CELF2: variants seen among roughly 807,000 people sequenced by gnomAD.
CELF2 encodes the protein CUG triplet repeat RNA-binding protein 2.
Under a neutral mutation model 62.6 loss-of-function variants are expected in CELF2, and 8 were observed. The observed-to-expected ratio is 0.13, with a 90% confidence interval of 0.07 to 0.23. The LOEUF (loss-of-function observed/expected upper bound fraction) is 0.23, where lower values mean the gene tolerates loss of function less well. Ranked by LOEUF, CELF2 falls within the 10% of genes least tolerant of loss-of-function variation. The pLI, the probability that CELF2 is intolerant of heterozygous loss-of-function variation, is 1.00. For synonymous variants in CELF2, 258 were observed against 250.0 expected (o/e 1.03, Z -0.30); for missense variants, 333 against 671.0 (o/e 0.50, Z 5.56).
chr10:10,985,009 A>C (rs1184449937), intron 2 of CELF2, among the ~76,000 whole-genome samples: 1 of 152,180 alleles, frequency 6.6e-6, no homozygotes, highest in Non-Finnish European at 1.5e-5. Flanking sequence ...ACATTTTCTC[A>C]AACTTTTCGA....
chr10:11,134,310 A>G (rs891330810), intron 1 of CELF2, among the ~76,000 whole-genome samples: 1 of 152,102 alleles, frequency 6.6e-6, no homozygotes, highest in African/African-American at 2.4e-5. Context: ...TACTTAGGTG[A>G]GTTTGGATTC....
chr10:11,059,471 G>C (rs1371624520), intron 1 of CELF2, among the ~76,000 whole-genome samples: 2 of 152,220 alleles, frequency 1.3e-5, no homozygotes, highest in Non-Finnish European at 2.9e-5. Flanking sequence ...CATGAGGAAA[G>C]TGTTTTGTTT....
intron 2 of CELF2, among the ~76,000 whole-genome samples, chr10:11,202,210 G>A (rs2399664): frequency 0.58 from 87,636 of 151,988 alleles, 26,601 homozygotes; most frequent in Non-Finnish European, 0.68. Context: ...ATAGGTCAGC[G>A]TATAAGATTG....
intron 1 of CELF2, among the ~76,000 whole-genome samples, chr10:10,902,451 G>A (rs922802459): frequency 2.6e-5 from 4 of 152,186 alleles, no homozygotes; most frequent in Non-Finnish European, 4.4e-5. Context: ...AACACCATGC[G>A]TGAATCCTGA....
chr10:10,803,067 C>A (rs914259545), intron 1 of CELF2, among the ~76,000 whole-genome samples: 1 of 152,186 alleles, frequency 6.6e-6, no homozygotes, highest in Admixed American at 6.5e-5. Flanking sequence ...CTGAGTTTGA[C>A]TCCTAAGCAC....
chr10:11,284,617 G>C (rs2090525606), intron 8 of CELF2, among the ~76,000 whole-genome samples: 1 of 151,118 alleles, frequency 6.6e-6, no homozygotes, highest in Non-Finnish European at 1.5e-5. Context: ...TAGATGGATG[G>C]GTGGGAGGAT....
intron 1 of CELF2, among the ~76,000 whole-genome samples, chr10:11,050,283 C>A (rs11256959): frequency 0.15 from 23,046 of 152,228 alleles, 2,974 homozygotes; most frequent in East Asian, 0.64. Flanking sequence ...TTAAAAACAT[C>A]CTGCTTGCAC....
chr10:10,493,136 A>T, the CELF2 span, among the ~76,000 whole-genome samples: 1 of 152,246 alleles, frequency 6.6e-6, no homozygotes, highest in African/African-American at 2.4e-5. Flanking sequence ...TACAACATGG[A>T]TGAACCTTGA....
intron 1 of CELF2, among the ~76,000 whole-genome samples, chr10:10,877,863 C>G (rs568293407): frequency 2.1e-4 from 32 of 152,330 alleles, no homozygotes; most frequent in African/African-American, 4.8e-4. Context: ...ATTCAGCAAG[C>G]CTGGCGTAGC....
At chr10:10,871,734 G>T (rs2060762017) in intron 1 of CELF2, among the ~76,000 whole-genome samples, 1 of 152,194 alleles carries the variant, frequency 6.6e-6, no homozygotes, top group Non-Finnish European at 1.5e-5. Flanking sequence ...GAGACCACCA[G>T]CAGCACGAGG....
the CELF2 span, among the ~76,000 whole-genome samples, chr10:10,734,683 G>T: frequency 6.6e-6 from 1 of 152,216 alleles, no homozygotes; most frequent in Non-Finnish European, 1.5e-5. Flanking sequence ...AAAAGGGAAG[G>T]AAATAGGAGT....
the CELF2 span, among the ~76,000 whole-genome samples, chr10:10,778,211 G>A: frequency 2.0e-5 from 3 of 152,178 alleles, no homozygotes; most frequent in African/African-American, 7.2e-5. Context: ...ATTTGAAAGG[G>A]ATCTTACGCA....
chr10:11,086,276 G>A (rs12354493), intron 1 of CELF2, among the ~76,000 whole-genome samples: 37,978 of 151,762 alleles, frequency 0.25, 5,024 homozygotes, highest in Middle Eastern at 0.31. Flanking sequence ...AAACTCCCCT[G>A]GCATTCGCAG....
At position 11,178,647 on chromosome 10, in the gene CELF2, AG is replaced by A. The variant is rs2072129755; in HGVS notation, c.271+12967del. The stretch of plus-strand genomic sequence containing the variant: ...GCAAATAAATGTGTGACAGCTTAAG[AG>A]GCGAAAAGAAGAGTCTTCGTCAAAT... On this transcript the variant is annotated intron_variant, in intron 2 of 12. Coordinates refer to ENST00000633077, the MANE Select transcript of CELF2 (RefSeq NM_001326342.2). The surrounding 1 kb of genome is among the most constrained non-coding windows in gnomAD (Gnocchi z 4.3). Among the ~76,000 whole-genome samples, 1 of 152,224 alleles carries A rather than the reference AG, an allele frequency of 6.6e-6. No homozygotes were observed. The highest frequency in any genetic ancestry group is 1.5e-5 in the Non-Finnish European group (1 of 68,026).
chr10:10,700,848 G>A, the CELF2 span, among the ~76,000 whole-genome samples: 3 of 152,106 alleles, frequency 2.0e-5, no homozygotes, highest in African/African-American at 7.2e-5. Flanking sequence ...CTTCTTTCTT[G>A]TTCATCAGCC....
In CELF2 at chr10:11,145,733, G is replaced by T. The variant is rs147319801; in HGVS notation, c.75-19753G>T. Among the ~76,000 whole-genome samples, 553 of 152,320 alleles carry T rather than the reference G, an allele frequency of 3.6e-3. 6 individuals carry two copies. The highest frequency in any genetic ancestry group is 0.013 in the African/African-American group (526 of 41,574). On this transcript the variant is annotated intron_variant, in intron 1 of 12. Transcript: ENST00000633077. This position sits in a 1 kb window ranked among gnomAD's most constrained non-coding sequence, Gnocchi z 4.3. ...AAAATCCAGCCAGGCCTCTGTGGTA[G>T]ATAAGAAGTTGCTTCATTTATTTTT...
intron 2 of CELF2, among the ~76,000 whole-genome samples, chr10:11,202,252 C>A (rs2059387309): frequency 6.6e-6 from 1 of 152,086 alleles, no homozygotes; most frequent in Non-Finnish European, 1.5e-5. Context: ...GCATTTTTTT[C>A]ACCTCCTGTC....
chr10:11,116,068 C>G (rs554847479), intron 1 of CELF2, among the ~76,000 whole-genome samples: 2 of 152,146 alleles, frequency 1.3e-5, no homozygotes, highest in Non-Finnish European at 2.9e-5. Flanking sequence ...TAAAAATGGC[C>G]TTAATCCTGT....
chr10:10,713,777 G>A, the CELF2 span, among the ~76,000 whole-genome samples: 2 of 152,196 alleles, frequency 1.3e-5, no homozygotes, highest in African/African-American at 4.8e-5. Flanking sequence ...GCTCATGCCT[G>A]TATTCCCAGC....
Sources: allele counts gnomAD v4.1 joint callset (sites outside exome capture counted in the v4.1 genomes callset), GRCh38; gene constraint gnomAD v4.1.1; non-coding constraint Gnocchi (gnomAD v3.1); transcripts MANE v1.5; gene names NCBI Gene and HGNC (gene_info 2026-07-23, HGNC 2026-07-21).